Variants in POLR2B observed in about 807,000 individuals in gnomAD.
POLR2B encodes RNA polymerase II subunit B.
A neutral mutation model predicts 144.6 loss-of-function variants in POLR2B; 57 were observed. The observed-to-expected ratio is 0.39, with a 90% CI of 0.32 to 0.49. The LOEUF is 0.49. Among genes scored for constraint, POLR2B ranks in the 20% least tolerant of loss-of-function variants. POLR2B has a pLI of 0.83. For synonymous variants in POLR2B, 442 were observed against 469.8 expected, an observed-to-expected ratio of 0.94 and a Z score of 0.77; for missense variants, 595 against 1,467.4, an observed-to-expected ratio of 0.41 and a Z score of 9.71.
Position 56,992,797 on chromosome 4 carries a change from C to T in POLR2B, c.244-1607C>T, listed in dbSNP as rs576864970. On this transcript the variant is annotated intron_variant, in intron 3 of 24. Coordinates refer to ENST00000314595, the MANE Select transcript of POLR2B (RefSeq NM_000938.3). Reference sequence around the variant, plus strand: ...CAGGATGGTCTCGATCTCCTGACCTCATGATCTGCCCTCCTTGGCCTCCCA... The same window carrying T: ...CAGGATGGTCTCGATCTCCTGACCTTATGATCTGCCCTCCTTGGCCTCCCA... Among the ~76,000 whole-genome samples, 58 of 151,694 alleles carry T rather than the reference C, an allele frequency of 3.8e-4. No homozygotes were observed. In the East Asian group the frequency reaches 0.012, roughly 31 times the overall value.
rs1722998557 is a variant in POLR2B, at chr4:57,005,673, A to C, written c.1171A>C (p.Lys391Gln). ...AGATGACAGAGATCACTATGGAAAC[A>C]AGAGATTGGATCTTGCTGGGCCGCT... ...ELDDRDHYGNKRLDLAGPLLA... is the reference protein window; with the variant it reads ...ELDDRDHYGNQRLDLAGPLLA... Residue 391 changes from lysine to glutamine, a missense_variant, in exon 9 of 25, where the codon AAG (lysine) becomes CAG (glutamine). Coordinates refer to ENST00000314595, the MANE Select transcript of POLR2B (RefSeq NM_000938.3). 6.2e-7 allele frequency: 1 copy of C among 1,613,160 alleles called. No homozygotes were observed. Among genetic ancestry groups the C allele is most frequent in the African/African-American group, 1.3e-5 (1 of 74,848 alleles).
chr4:57,025,581 T>TA (rs776349634), intron 23 of POLR2B, 44 bp downstream of exon 23: 85 of 1,356,274 alleles, frequency 6.3e-5, no homozygotes, highest in Middle Eastern at 1.8e-4. Flanking sequence ...AACCTTATAT[T>TA]ATGAAAAATG....
At chr4:56,986,510 A>C (rs1316964429) in intron 2 of POLR2B, 84 bp downstream of exon 2, 20 of 782,730 alleles carry the variant, frequency 2.6e-5, no homozygotes, top group Non-Finnish European at 3.6e-5. Flanking sequence ...TCTTCTATAT[A>C]AATATGCTAC....
intron 1 of POLR2B, among the ~76,000 whole-genome samples, chr4:56,980,488 G>A (rs1200680425): frequency 6.6e-6 from 1 of 152,146 alleles, no homozygotes; most frequent in African/African-American, 2.4e-5. Flanking sequence ...TTGGGAGTCT[G>A]AGGCGGGTGG....
chr4:56,981,300 A>G (rs1242749502), intron 1 of POLR2B, among the ~76,000 whole-genome samples: 2 of 149,958 alleles, frequency 1.3e-5, no homozygotes, highest in Non-Finnish European at 3.0e-5. Context: ...TGGATGTACC[A>G]TAACTTAAGT....
intron 7 of POLR2B, among the ~76,000 whole-genome samples, chr4:57,000,499 T>TA (rs1722816504): frequency 6.6e-6 from 1 of 152,190 alleles, no homozygotes; most frequent in Non-Finnish European, 1.5e-5. Context: ...CAACAGTTGT[T>TA]ACTTTTGTCA....
chr4:57,022,664 C>T (rs913621004), intron 18 of POLR2B, among the ~76,000 whole-genome samples: 5 of 152,172 alleles, frequency 3.3e-5, no homozygotes, highest in African/African-American at 4.8e-5. Flanking sequence ...TTTGTTGTTT[C>T]TTCTAGAAAA....
chr4:56,982,466 G>A (rs1010707434), intron 1 of POLR2B, among the ~76,000 whole-genome samples: 2 of 151,944 alleles, frequency 1.3e-5, no homozygotes, highest in African/African-American at 2.4e-5. Context: ...CAGCTCCTCG[G>A]GATACTGAGG....
intron 10 of POLR2B, among the ~76,000 whole-genome samples, chr4:57,009,087 G>T (rs1249363403): frequency 6.6e-6 from 1 of 152,174 alleles, no homozygotes; most frequent in African/African-American, 2.4e-5. Context: ...TTAGGGACTG[G>T]ACTAGAGCAG....
chr4:57,024,870 CTTT>C lies in POLR2B; in HGVS notation c.2965-8_2965-6del. ...GACTGAAGCAACATTTTAAAGAGTA[CTTT>C]TTTTTTTAAAAGGTATCGGCTAACA... is the stretch of plus-strand genomic sequence containing the variant. On this transcript the variant is annotated splice_polypyrimidine_tract_variant and intron_variant, in intron 21 of 24. Transcript: ENST00000314595. The C allele has an allele frequency of 1.6e-6, 2 of 1,265,070 alleles. No homozygotes were observed. The highest frequency in any genetic ancestry group is 1.1e-6 in the Non-Finnish European group (1 of 892,906). The allele number at this position is 1,265,070 out of a possible 1,614,324, so 78.4% of individuals were successfully genotyped here.
Position 57,007,015 on chromosome 4 carries a change from A to G in POLR2B, c.1404+13A>G, listed in dbSNP as rs757714584. 1.3e-6 allele frequency: 2 copies of G among 1,578,676 alleles called. No homozygotes were observed. The highest frequency in any genetic ancestry group is 1.3e-5 in the African/African-American group (1 of 74,110). ...TGGAGTATCTCAGGTAAGTGTGCCAACTATGACTACAGGCTCAATAGGAAA... is the reference window on the plus strand; with the variant it reads ...TGGAGTATCTCAGGTAAGTGTGCCAGCTATGACTACAGGCTCAATAGGAAA... On this transcript the variant is annotated intron_variant, in intron 10 of 24. Transcript: ENST00000314595.
At chr4:56,993,758 A>G (rs530274099) in intron 3 of POLR2B, among the ~76,000 whole-genome samples, 1 of 152,304 alleles carries the variant, frequency 6.6e-6, no homozygotes, top group Non-Finnish European at 1.5e-5. Flanking sequence ...AAATAAAAAA[A>G]TCTTTTTCTT....
In POLR2B at chr4:57,005,776, G is replaced by T. The variant is rs962064271; in HGVS notation, c.1217+57G>T. On this transcript the variant is annotated intron_variant, in intron 9 of 24. Transcript: ENST00000314595. ...AGGGAGATTTATTTCACTTTAGATT[G>T]ATCATTGCATATGGCCAGGCTAAAC... 4.2e-5 allele frequency: 64 copies of T among 1,530,574 alleles called. 1 individual carries two copies. In the South Asian group the frequency reaches 7.1e-4, roughly 17 times the overall value. 94.8% of individuals were successfully genotyped at this position (1,530,574 alleles called of 1,614,324 possible).
At chr4:57,025,074 T>A in intron 22 of POLR2B, 75 bp downstream of exon 22, 1 of 751,152 alleles carries the variant, frequency 1.3e-6, no homozygotes, top group Non-Finnish European at 2.3e-6. Context: ...TGAAACAATG[T>A]AACCTTTTAT....
chr4:56,978,935 G>GT lies in POLR2B; in HGVS notation c.-46dup. On this transcript the variant is annotated 5_prime_UTR_variant, in exon 1 of 25. Coordinates refer to ENST00000314595, the MANE Select transcript of POLR2B (RefSeq NM_000938.3). ...TCCTGGCGCTGCTGGCTTCTGGGCG[G>GT]TTTTTGTCTTTTGATTTCAAGAGTT... 2 of 1,597,990 alleles carry GT rather than the reference G, an allele frequency of 1.3e-6. No individual in the cohort carries two copies. The highest frequency in any genetic ancestry group is 8.6e-7 in the Non-Finnish European group (1 of 1,165,596).
intron 22 of POLR2B, 79 bp from the exon 23 acceptor site, chr4:57,025,298 G>A: frequency 1.0e-6 from 1 of 989,448 alleles, no homozygotes; most frequent in Non-Finnish European, 1.6e-6. Context: ...TATAAATGGA[G>A]TAACACAATA....
chr4:57,008,042 A>G (rs1401180309), intron 10 of POLR2B, among the ~76,000 whole-genome samples: 2 of 152,078 alleles, frequency 1.3e-5, no homozygotes, highest in Non-Finnish European at 2.9e-5. Flanking sequence ...GGTATATTTG[A>G]TATTTGTGAT....
In POLR2B at chr4:57,017,851, G is replaced by T. The variant is rs1479822541; in HGVS notation, c.2323+123G>T. ...CCTGTTCTCACGGAATTTATAATAT[G>T]GTGGGAAACATGAACATAATAAAAA... On this transcript the variant is annotated intron_variant, in intron 16 of 24. Transcript: ENST00000314595. The surrounding 1 kb of genome is among the most constrained non-coding windows in gnomAD (Gnocchi z 4.8). 1.6e-6 allele frequency: 1 copy of T among 620,658 alleles called. No individual in the cohort carries two copies. The highest frequency in any genetic ancestry group is 3.5e-5 in the Admixed American group (1 of 28,376). The allele number at this position is 620,658 out of a possible 1,614,324, so 38.4% of individuals were successfully genotyped here. A position where few individuals can be genotyped will look rare whatever the true frequency, so the allele number is the denominator to read the frequency against.
At chr4:57,004,055 C>G (rs1359251274) in intron 7 of POLR2B, among the ~76,000 whole-genome samples, 5 of 111,428 alleles carry the variant, frequency 4.5e-5, no homozygotes, top group African/African-American at 1.8e-4. Flanking sequence ...GAGATGAAGT[C>G]TCACTCTGTT....
Sources: gnomAD v4.1 joint callset for allele counts (sites outside exome capture counted in the v4.1 genomes callset) on GRCh38, gnomAD v4.1.1 for gene constraint, Gnocchi (gnomAD v3.1) non-coding constraint, MANE v1.5 for transcripts, NCBI Gene and HGNC (gene_info 2026-07-23, HGNC 2026-07-21) for gene names.